Variants in TMEM182 observed in about 807,000 individuals in gnomAD.
The protein encoded by TMEM182 is transmembrane protein 182.
TMEM182 carries 20 observed loss-of-function variants against 26.8 expected under a neutral mutation model. That is an observed-to-expected ratio of 0.75 (90% confidence interval 0.53 to 1.09). The LOEUF (loss-of-function observed/expected upper bound fraction) is 1.09. Among genes scored for constraint, TMEM182 ranks in the 50% least tolerant of loss-of-function variants. The pLI is 0.00. For synonymous variants in TMEM182, 109 were observed against 102.2 expected (o/e 1.07, Z -0.40); for missense variants, 277 against 275.5 (o/e 1.01, Z -0.04).
chr2:102,797,747 G>A (rs2104727665), intron 3 of TMEM182, 116 bp from the exon 4 acceptor site: 1 of 1,267,386 alleles, frequency 7.9e-7, no homozygotes, highest in Middle Eastern at 2.8e-4. Context: ...CTATCTAGCA[G>A]TGCCATAGCT....
intron 1 of TMEM182, among the ~76,000 whole-genome samples, chr2:102,752,886 G>A (rs1017594587): frequency 1.3e-5 from 2 of 152,338 alleles, no homozygotes; most frequent in East Asian, 3.9e-4. Flanking sequence ...TTTTATAACT[G>A]AAGGACAGAA....
chr2:102,798,215 A>G (rs1184833270), intron 4 of TMEM182, among the ~76,000 whole-genome samples: 1 of 152,196 alleles, frequency 6.6e-6, no homozygotes, highest in African/African-American at 2.4e-5. Flanking sequence ...TCCCTTTTCC[A>G]CATGCTGACA....
intron 3 of TMEM182, among the ~76,000 whole-genome samples, chr2:102,829,047 C>T (rs1243664162): frequency 6.6e-6 from 1 of 152,158 alleles, no homozygotes; most frequent in Non-Finnish European, 1.5e-5. Flanking sequence ...CGGAAGTTAG[C>T]AAATATTCTG....
rs79354230 is a variant in TMEM182, at chr2:102,764,375, G to T, written c.279G>T (p.Pro93=). 8 of 1,613,712 alleles carry T rather than the reference G, an allele frequency of 5.0e-6. No homozygotes were observed. The highest frequency in any genetic ancestry group is 1.7e-4 in the Middle Eastern group (1 of 6,058). Residue 93 remains proline (P), a synonymous_variant, in exon 3 of 5, where the codon CCG becomes CCT. Coordinates refer to ENST00000412401, the MANE Select transcript of TMEM182 (RefSeq NM_144632.5). ...SKNCTHAYLS[P]YPFMRGEHNS... is the part of the protein sequence containing the mutation. ...ACTGCACACATGCTTACCTGTCTCC[G>T]TACCCCTTCATGAGAGGCGAGCACA...
rs555379150 is a variant in TMEM182 at position 102,824,527 on chromosome 2, G to A, written c.326-18885G>A. ...TCTCTCTTCCTTCTGCTCTGGCCATGTAAGATGTACCTGCTGGCCAGGCGT... is the reference window on the plus strand; with the variant it reads ...TCTCTCTTCCTTCTGCTCTGGCCATATAAGATGTACCTGCTGGCCAGGCGT... On this transcript the variant is annotated intron_variant, in intron 3 of 3. Coordinates refer to the TMEM182 transcript ENST00000486293. Among the ~76,000 whole-genome samples, 4 of 152,136 alleles carry A rather than the reference G, an allele frequency of 2.6e-5. No homozygotes were observed. In the South Asian group the frequency reaches 8.3e-4, roughly 32 times the overall value.
chr2:102,837,741 G>A (rs1178966969), intron 3 of TMEM182, among the ~76,000 whole-genome samples: 1 of 152,162 alleles, frequency 6.6e-6, no homozygotes, highest in East Asian at 1.9e-4. Flanking sequence ...ACCTCAAGTG[G>A]CCTTGGGTCT....
intron 1 of TMEM182, among the ~76,000 whole-genome samples, chr2:102,753,527 A>C (rs1004913401): frequency 7.8e-6 from 1 of 128,916 alleles, no homozygotes; most frequent in African/African-American, 3.2e-5. Context: ...GTTCTACTAT[A>C]TGTATTTTTA....
At chr2:102,759,384 C>T (rs1029537350), upstream of TMEM182, among the ~76,000 whole-genome samples, 4 of 152,112 alleles carry the variant, frequency 2.6e-5, no homozygotes, top group African/African-American at 9.7e-5. Context: ...ACAGGATGAC[C>T]AGAGCTCATT....
intron 1 of TMEM182, among the ~76,000 whole-genome samples, chr2:102,755,883 A>G (rs1330980254): frequency 6.6e-6 from 1 of 152,234 alleles, no homozygotes; most frequent in Non-Finnish European, 1.5e-5. Context: ...AAAACCGTCT[A>G]GGAAAGGGAG....
At chr2:102,838,569 C>G (rs1683291231) in intron 3 of TMEM182, among the ~76,000 whole-genome samples, 1 of 152,200 alleles carries the variant, frequency 6.6e-6, no homozygotes. Flanking sequence ...TGTGCATTGG[C>G]TATTTTCCTA....
At chr2:102,768,173 G>T (rs766499240) in intron 3 of TMEM182, among the ~76,000 whole-genome samples, 26 of 152,034 alleles carry the variant, frequency 1.7e-4, no homozygotes, top group Admixed American at 7.2e-4. Flanking sequence ...TAATTATCTT[G>T]TTCATATACT....
downstream of TMEM182, among the ~76,000 whole-genome samples, chr2:102,820,099 C>T (rs1047837349): frequency 7.2e-5 from 11 of 152,190 alleles, no homozygotes; most frequent in African/African-American, 2.7e-4. Flanking sequence ...TTTCAATCCC[C>T]TTGCAGAAGA....
At chr2:102,789,593 T>C (rs955693434) in intron 3 of TMEM182, among the ~76,000 whole-genome samples, 2 of 152,208 alleles carry the variant, frequency 1.3e-5, no homozygotes, top group African/African-American at 4.8e-5. Flanking sequence ...TCTGGGTCAG[T>C]CTTTTAAGAG....
chr2:102,761,538 A>T (rs913947922), upstream of TMEM182, among the ~76,000 whole-genome samples: 1 of 152,300 alleles, frequency 6.6e-6, no homozygotes, highest in Non-Finnish European at 1.5e-5. Context: ...TGACCTTTTA[A>T]GTATACCTCT....
At chr2:102,827,522 G>A (rs753450354) in intron 3 of TMEM182, among the ~76,000 whole-genome samples, 1 of 152,148 alleles carries the variant, frequency 6.6e-6, no homozygotes, top group East Asian at 1.9e-4. Context: ...GTGCTATCTC[G>A]AAGCTTCCTT....
intron 3 of TMEM182, among the ~76,000 whole-genome samples, chr2:102,794,187 A>G (rs535522389): frequency 2.6e-5 from 4 of 152,328 alleles, no homozygotes; most frequent in South Asian, 4.2e-4. Context: ...AAACATCTCT[A>G]TTTTACAGAA....
At chr2:102,832,638 G>A (rs1683174479) in intron 3 of TMEM182, among the ~76,000 whole-genome samples, 1 of 152,098 alleles carries the variant, frequency 6.6e-6, no homozygotes, top group Non-Finnish European at 1.5e-5. Flanking sequence ...TCAGATGCAG[G>A]GAGACAACTC....
rs182889054 is a variant in TMEM182, at chr2:102,766,988, A to C, written c.331+2561A>C. Reference sequence around the variant, plus strand: ...AAGGAGACTGGGAATCAGAGAAATCATGTGACTCTGTCTTCATACAGCTGC... The same window carrying C: ...AAGGAGACTGGGAATCAGAGAAATCCTGTGACTCTGTCTTCATACAGCTGC... On this transcript the variant is annotated intron_variant, in intron 3 of 4. Transcript: ENST00000412401. Among the ~76,000 whole-genome samples the C allele has an allele frequency of 4.7e-3, 723 of 152,352 alleles. 12 individuals are homozygous for C. The highest frequency in any genetic ancestry group is 0.017 in the African/African-American group (694 of 41,590).
intron 3 of TMEM182, among the ~76,000 whole-genome samples, chr2:102,770,808 A>G (rs1156562065): frequency 6.6e-6 from 1 of 152,224 alleles, no homozygotes; most frequent in Non-Finnish European, 1.5e-5. Flanking sequence ...AGCCACATCC[A>G]CACACAACAA....
Sources: gnomAD v4.1 joint callset for allele counts (sites outside exome capture counted in the v4.1 genomes callset) on GRCh38, gnomAD v4.1.1 for gene constraint, MANE v1.5 for transcripts, NCBI Gene and HGNC (gene_info 2026-07-23, HGNC 2026-07-21) for gene names.